SCN9A: variants seen among roughly 807,000 people sequenced by gnomAD.
SCN9A encodes sodium voltage-gated channel alpha subunit 9, also known as sodium channel protein type 9 subunit alpha.
Under a neutral mutation model 187.0 loss-of-function variants are expected in SCN9A, and 131 were observed. The ratio of observed to expected loss-of-function variants is 0.70; its 90% CI spans 0.61 to 0.81. SCN9A has a LOEUF of 0.81. SCN9A is among the 30% of genes least tolerant of loss of function. The pLI, the probability that SCN9A is intolerant of heterozygous loss-of-function variation, is 0.00. For missense variants in SCN9A, 2,252 were observed against 2,396.6 expected (o/e 0.94, Z 1.26); for synonymous variants, 809 against 808.6 (o/e 1.00, Z -0.01).
At chr2:166,288,120 T>TATATATATACACACAC (rs56738765) in intron 10 of SCN9A, among the ~76,000 whole-genome samples, 1,710 of 135,206 alleles carry the variant, frequency 0.013, 10 homozygotes, top group Middle Eastern at 0.015. Context: ...TATATATATA[T>TATATATATACACACAC]ACACACACAT....
chr2:166,254,064 T>G (rs1170798355), intron 17 of SCN9A, among the ~76,000 whole-genome samples: 2 of 151,722 alleles, frequency 1.3e-5, no homozygotes, highest in Non-Finnish European at 1.5e-5. Context: ...CACGTGATTT[T>G]ATATAGTGTA....
At chr2:166,343,798 AAAAAGAAAAGAAAAG>A (rs149739106) in intron 1 of SCN9A, among the ~76,000 whole-genome samples, 1 of 151,448 alleles carries the variant, frequency 6.6e-6, no homozygotes, top group Non-Finnish European at 1.5e-5. Context: ...TGTGTTTCAA[AAAAAGAAAAGAAAAG>A]AAAAGAAAAG....
At chr2:166,244,743 T>G (rs1261153108) in intron 18 of SCN9A, among the ~76,000 whole-genome samples, 1 of 152,044 alleles carries the variant, frequency 6.6e-6, no homozygotes, top group East Asian at 1.9e-4. Context: ...GGTGGAAGTA[T>G]GTCACACTGT....
intron 24 of SCN9A, among the ~76,000 whole-genome samples, chr2:166,207,983 A>G (rs1049136703): frequency 6.6e-6 from 1 of 152,214 alleles, no homozygotes; most frequent in Admixed American, 6.5e-5. Context: ...AATCAAAGTA[A>G]TAGATTTTGT....
At chr2:166,252,464 C>A (rs79784712) in intron 17 of SCN9A, among the ~76,000 whole-genome samples, 2 of 151,820 alleles carry the variant, frequency 1.3e-5, no homozygotes, top group African/African-American at 2.4e-5. Context: ...GTTCTTTGAT[C>A]AAGACCACAA....
intron 1 of SCN9A, among the ~76,000 whole-genome samples, chr2:166,329,138 G>A (rs928364854): frequency 6.6e-6 from 1 of 151,988 alleles, no homozygotes; most frequent in Non-Finnish European, 1.5e-5. Flanking sequence ...ATTATTATTT[G>A]CATTAATTTT....
chr2:166,251,219 A>G (rs1319365843), intron 18 of SCN9A, among the ~76,000 whole-genome samples: 1 of 152,048 alleles, frequency 6.6e-6, no homozygotes, highest in Admixed American at 6.6e-5. Flanking sequence ...CTGAAGATTG[A>G]ACATGTGGGG....
At chr2:166,225,360 G>A (rs1325368029) in intron 24 of SCN9A, among the ~76,000 whole-genome samples, 1 of 152,098 alleles carries the variant, frequency 6.6e-6, no homozygotes, top group Non-Finnish European at 1.5e-5. Flanking sequence ...TGACTGTCAT[G>A]TATATTTTTT....
At chr2:166,332,261 T>C (rs1167387351) in intron 1 of SCN9A, among the ~76,000 whole-genome samples, 1 of 152,146 alleles carries the variant, frequency 6.6e-6, no homozygotes, top group African/African-American at 2.4e-5. Flanking sequence ...GCCTCTAGAT[T>C]TCCCTTTTGT....
At chr2:166,216,103 G>A (rs896600205) in intron 24 of SCN9A, among the ~76,000 whole-genome samples, 1 of 152,012 alleles carries the variant, frequency 6.6e-6, no homozygotes, top group African/African-American at 2.4e-5. Flanking sequence ...CAATAAATGT[G>A]ATATGCTACA....
At chr2:166,306,918 T>C (rs1559030904) in intron 3 of SCN9A, 38 bp downstream of exon 3, 1 of 1,185,660 alleles carries the variant, frequency 8.4e-7, no homozygotes, top group Non-Finnish European at 1.2e-6. Context: ...AATTACACCA[T>C]AAAGTGCCAC....
chr2:166,315,467 A>T (rs971742255), intron 1 of SCN9A, among the ~76,000 whole-genome samples: 11 of 152,166 alleles, frequency 7.2e-5, no homozygotes, highest in Non-Finnish European at 1.3e-4. Flanking sequence ...GGTCAATGCT[A>T]GTGGTACCAT....
At chr2:166,311,368 A>AT (rs1698946552) in intron 2 of SCN9A, 131 bp downstream of exon 2, 2 of 119,594 alleles carry the variant, frequency 1.7e-5, no homozygotes, top group Non-Finnish European at 3.4e-5. Flanking sequence ...ATATATATAT[A>AT]TATATATATT....
intron 18 of SCN9A, among the ~76,000 whole-genome samples, chr2:166,245,736 G>A (rs1002771939): frequency 6.6e-6 from 1 of 151,914 alleles, no homozygotes; most frequent in Non-Finnish European, 1.5e-5. Flanking sequence ...ACCTGTTTCA[G>A]AAGTTTGAAT....
At chr2:166,245,042 A>G (rs1202669970) in intron 18 of SCN9A, among the ~76,000 whole-genome samples, 3 of 152,078 alleles carry the variant, frequency 2.0e-5, no homozygotes, top group Non-Finnish European at 4.4e-5. Flanking sequence ...AATTGCTTAC[A>G]TCACTGATGA....
chr2:166,246,792 A>T (rs1166181473), intron 18 of SCN9A, among the ~76,000 whole-genome samples: 8 of 152,100 alleles, frequency 5.3e-5, no homozygotes, highest in Admixed American at 2.6e-4. Context: ...AACACTAAAA[A>T]TCCTAATTAG....
At chr2:166,350,030 GC>G (rs1699998787) in intron 1 of SCN9A, among the ~76,000 whole-genome samples, 1 of 151,822 alleles carries the variant, frequency 6.6e-6, no homozygotes, top group South Asian at 2.1e-4. Flanking sequence ...TGCTTGGTCT[GC>G]AATATTTCTC....
chr2:166,354,681 A>T (rs1157487050), intron 1 of SCN9A, among the ~76,000 whole-genome samples: 2 of 152,194 alleles, frequency 1.3e-5, no homozygotes, highest in African/African-American at 4.8e-5. Context: ...TAGATGGTTG[A>T]TTAACCCTAA....
At chr2:166,251,256 G>GA (rs1696023043) in intron 18 of SCN9A, among the ~76,000 whole-genome samples, 2 of 151,884 alleles carry the variant, frequency 1.3e-5, no homozygotes, top group African/African-American at 2.4e-5. Context: ...AGGATGTGCA[G>GA]AAAAAATACT....
Sources: allele counts gnomAD v4.1 joint callset (sites outside exome capture counted in the v4.1 genomes callset), GRCh38; gene constraint gnomAD v4.1.1; transcripts MANE v1.5; gene names NCBI Gene and HGNC (gene_info 2026-07-23, HGNC 2026-07-21).